Variants in PTCD2 observed in about 807,000 individuals in gnomAD.
The protein encoded by PTCD2 is pentatricopeptide repeat-containing protein 2, mitochondrial.
PTCD2 carries 31 observed loss-of-function variants against 42.6 expected under a neutral mutation model. That is an observed-to-expected ratio of 0.73 (90% CI 0.55 to 0.98). The LOEUF is 0.98. PTCD2 is among the 50% of genes least tolerant of loss of function. PTCD2 has a pLI of 0.00. For synonymous variants in PTCD2, 183 were observed against 170.9 expected, an observed-to-expected ratio of 1.07 and a Z score of -0.55; for missense variants, 476 against 454.8, an observed-to-expected ratio of 1.05 and a Z score of -0.42.
At chr5:72,328,041 A>C (rs1309101108) in intron 3 of PTCD2, among the ~76,000 whole-genome samples, 1 of 152,250 alleles carries the variant, frequency 6.6e-6, no homozygotes, top group Non-Finnish European at 1.5e-5. Context: ...TTCATTGAAA[A>C]ATTGAAAAAC....
intron 4 of PTCD2, among the ~76,000 whole-genome samples, chr5:72,332,382 A>G (rs1236454847): frequency 4.6e-5 from 7 of 152,130 alleles, no homozygotes; most frequent in African/African-American, 1.4e-4. Flanking sequence ...TTTGTTCCAT[A>G]AGAAAAGACA....
chr5:72,348,439 C>T (rs1030335452), intron 8 of PTCD2, among the ~76,000 whole-genome samples: 1 of 152,094 alleles, frequency 6.6e-6, no homozygotes, highest in African/African-American at 2.4e-5. Flanking sequence ...AAATTTTCTC[C>T]CTGACTTGAT....
At chr5:72,323,581 AGAC>A (rs969447867) in intron 2 of PTCD2, among the ~76,000 whole-genome samples, 2 of 151,940 alleles carry the variant, frequency 1.3e-5, no homozygotes, top group African/African-American at 2.4e-5. Context: ...TTTCAACCAT[AGAC>A]CCAGCTCTCC....
intron 9 of PTCD2, among the ~76,000 whole-genome samples, chr5:72,354,197 A>G (rs1752752347): frequency 6.6e-6 from 1 of 151,960 alleles, no homozygotes; most frequent in African/African-American, 2.4e-5. Flanking sequence ...TGAGGTCAGG[A>G]GATCGAGACC....
rs1753165047 is a variant in PTCD2 at position 72,364,826 on chromosome 5, T to G, written c.*6399T>G. The stretch of plus-strand genomic sequence containing the variant: ...AGGGCCCCTGTATCTTGCAGTAATG[T>G]ATCCGTGGGCGTTTCCCCCCAGACA... On this transcript the variant is annotated 3_prime_UTR_variant, in exon 10 of 10. Coordinates refer to ENST00000380639, the MANE Select transcript of PTCD2 (RefSeq NM_024754.5). 1 of 152,212 alleles carries G rather than the reference T, an allele frequency of 6.6e-6. No homozygotes were observed. Among genetic ancestry groups the G allele is most frequent in the Admixed American group, 6.6e-5 (1 of 15,266 alleles). The allele number at this position is 152,212 out of a possible 1,614,324, so 9.4% of individuals were successfully genotyped here.
At chr5:72,353,560 C>A (rs959268251) in intron 9 of PTCD2, among the ~76,000 whole-genome samples, 1 of 151,926 alleles carries the variant, frequency 6.6e-6, no homozygotes, top group Non-Finnish European at 1.5e-5. Flanking sequence ...CTAGAAAAAC[C>A]CTGTGAAAGA....
Position 72,359,376 on chromosome 5 carries a change from A to G in PTCD2, c.*949A>G, listed in dbSNP as rs937604719. On this transcript the variant is annotated 3_prime_UTR_variant, in exon 10 of 10. Transcript: ENST00000380639. ...TTACCGTGTCTGGTCACCAGTGAGCAGAAGATACACAGTGACCCCACCTCA... is the reference window on the plus strand; with the variant it reads ...TTACCGTGTCTGGTCACCAGTGAGCGGAAGATACACAGTGACCCCACCTCA... 6.6e-6 allele frequency: 1 copy of G among 152,238 alleles called. No individual in the cohort carries two copies. The highest frequency in any genetic ancestry group is 1.5e-5 in the Non-Finnish European group (1 of 68,042). The allele number at this position is 152,238 out of a possible 1,614,324, so 9.4% of individuals were successfully genotyped here. A position where few individuals can be genotyped will look rare whatever the true frequency, so the allele number is the denominator to read the frequency against.
Position 72,364,227 on chromosome 5 carries a change from CA to C in PTCD2, c.*5804del, listed in dbSNP as rs1483641268. 1.3e-5 allele frequency: 2 copies of C among 152,192 alleles called. No homozygotes were observed. Among genetic ancestry groups the C allele is most frequent in the Non-Finnish European group, 2.9e-5 (2 of 68,038 alleles). 9.4% of individuals were successfully genotyped at this position (152,192 alleles called of 1,614,324 possible). A position where few individuals can be genotyped will look rare whatever the true frequency, so the allele number is the denominator to read the frequency against. On this transcript the variant is annotated 3_prime_UTR_variant, in exon 10 of 10. Coordinates refer to ENST00000380639, the MANE Select transcript of PTCD2 (RefSeq NM_024754.5). ...TATGTTTTATTCAATAACATGGAGTCAAAACAAGAAGATTTTTTAAATGTCC... is the reference window on the plus strand; with the variant it reads ...TATGTTTTATTCAATAACATGGAGTCAAACAAGAAGATTTTTTAAATGTCC...
chr5:72,339,638 A>G (rs1751949578), intron 7 of PTCD2, among the ~76,000 whole-genome samples: 1 of 152,106 alleles, frequency 6.6e-6, no homozygotes, highest in Non-Finnish European at 1.5e-5. Context: ...TTAGTCAGTC[A>G]TGAGGTGAGT....
intron 4 of PTCD2, 53 bp from the exon 5 acceptor site, chr5:72,334,965 C>T (rs1751649669): frequency 9.1e-7 from 1 of 1,094,168 alleles, no homozygotes; most frequent in South Asian, 1.3e-5. Flanking sequence ...AAAAGTACCT[C>T]CTCAATAAAT....
chr5:72,363,340 C>G lies in PTCD2; in HGVS notation c.*4913C>G, dbSNP rs918045298. 1 of 152,224 alleles carries G rather than the reference C, an allele frequency of 6.6e-6. No individual in the cohort carries two copies. Among genetic ancestry groups the G allele is most frequent in the Non-Finnish European group, 1.5e-5 (1 of 68,040 alleles). 9.4% of individuals were successfully genotyped at this position (152,224 alleles called of 1,614,324 possible). On this transcript the variant is annotated 3_prime_UTR_variant, in exon 10 of 10. Transcript: ENST00000380639. ...CACCCCCAGAATATCTGATTCCATA[C>G]ATATGAGTCAGGGCCCAAGAATTTG...
At chr5:72,349,025 G>A (rs1225986050) in intron 8 of PTCD2, among the ~76,000 whole-genome samples, 1 of 152,186 alleles carries the variant, frequency 6.6e-6, no homozygotes, top group Non-Finnish European at 1.5e-5. Context: ...TTGTTTGGGA[G>A]CAATGTAGAC....
In PTCD2 at chr5:72,368,310, A is replaced by G. The variant is rs527841463; in HGVS notation, c.*9883A>G. 6 of 152,342 alleles carry G rather than the reference A, an allele frequency of 3.9e-5. No individual in the cohort carries two copies. The highest frequency in any genetic ancestry group is 1.4e-4 in the African/African-American group (6 of 41,580). The allele number at this position is 152,342 out of a possible 1,614,324, so 9.4% of individuals were successfully genotyped here. ...GGAATAGGTCCCCCTGTCTTTGAGT[A>G]GAAGAGTTGGCAAGCAAGCTGGACT... On this transcript the variant is annotated 3_prime_UTR_variant, in exon 10 of 10. Transcript: ENST00000380639.
intron 3 of PTCD2, among the ~76,000 whole-genome samples, chr5:72,329,322 G>A (rs1751311591): frequency 6.6e-6 from 1 of 152,224 alleles, no homozygotes; most frequent in South Asian, 2.1e-4. Context: ...GCCCGTGGCT[G>A]GGAAAGGAGA....
intron 1 of PTCD2, chr5:72,321,508 C>T (rs528980247): frequency 1.7e-4 from 26 of 152,324 alleles, no homozygotes; most frequent in African/African-American, 6.3e-4. Context: ...TTATTGTTAC[C>T]TTGTTACTGC....
rs765626476 is a variant in PTCD2 at position 72,342,986 on chromosome 5, A to G, written c.778A>G (p.Ile260Val). 4 of 1,600,278 alleles carry G rather than the reference A, an allele frequency of 2.5e-6. No homozygotes were observed. The highest frequency in any genetic ancestry group is 3.4e-6 in the Non-Finnish European group (4 of 1,173,510). ...NQNEMAKAVS[I>V]FSQIMNPESI... Reference sequence around the variant, plus strand: ...GAATGAGATGGCAAAAGCTGTGTCCATTTTTTCTCAAATCATGAATCCAGA... The same window carrying G: ...GAATGAGATGGCAAAAGCTGTGTCCGTTTTTTCTCAAATCATGAATCCAGA... The change falls in exon 8 of 10, where the codon ATT (isoleucine) becomes GTT (valine). Residue 260 changes from isoleucine to valine, a missense_variant. By Grantham distance (29) the Ile-to-Val change is conservative. Transcript: ENST00000380639.
intron 2 of PTCD2, among the ~76,000 whole-genome samples, chr5:72,323,848 T>C (rs1750994666): frequency 6.6e-6 from 1 of 152,040 alleles, no homozygotes; most frequent in Non-Finnish European, 1.5e-5. Flanking sequence ...ATGGTCTCAC[T>C]GTGTTGAGGC....
Position 72,366,902 on chromosome 5 carries a change from G to A in PTCD2, c.*8475G>A, listed in dbSNP as rs761429947. ...ACTCAGTTTCTTATGAAAGAAAAAGGATGGTCATTTGTCTCACTTGGGAAA... is the reference window on the plus strand; with the variant it reads ...ACTCAGTTTCTTATGAAAGAAAAAGAATGGTCATTTGTCTCACTTGGGAAA... On this transcript the variant is annotated 3_prime_UTR_variant, in exon 10 of 10. Transcript: ENST00000380639. 6.6e-6 allele frequency: 1 copy of A among 152,236 alleles called. No homozygotes were observed. Among genetic ancestry groups the A allele is most frequent in the Non-Finnish European group, 1.5e-5 (1 of 68,038 alleles). 9.4% of individuals were successfully genotyped at this position (152,236 alleles called of 1,614,324 possible). A position where few individuals can be genotyped will look rare whatever the true frequency, so the allele number is the denominator to read the frequency against.
intron 8 of PTCD2, 149 bp downstream of exon 8, chr5:72,343,185 C>T (rs1163637242): frequency 2.3e-6 from 1 of 431,878 alleles, no homozygotes; most frequent in African/African-American, 2.1e-5. Flanking sequence ...TATTGAATTC[C>T]TCTCTGAAAA....
Sources: gnomAD v4.1 joint callset for allele counts (sites outside exome capture counted in the v4.1 genomes callset) on GRCh38, gnomAD v4.1.1 for gene constraint, MANE v1.5 for transcripts, NCBI Gene and HGNC (gene_info 2026-07-23, HGNC 2026-07-21) for gene names.